The following INTS2 variants were observed in gnomAD, a reference collection of about 807,000 sequenced individuals.
The protein encoded by INTS2 is KIAA1287.
Under a neutral mutation model 139.6 loss-of-function variants are expected in INTS2, and 57 were observed. That is an observed-to-expected ratio of 0.41 (90% CI 0.33 to 0.51). INTS2 has a LOEUF of 0.51. Ranked by LOEUF, INTS2 falls within the 20% of genes least tolerant of loss-of-function variation. The pLI is 0.28. For missense variants in INTS2, 1,196 were observed against 1,436.7 expected (o/e 0.83, Z 2.71); for synonymous variants, 473 against 493.4 (o/e 0.96, Z 0.55).
At chr17:61,902,668 G>A (rs764369375) in intron 9 of INTS2, among the ~76,000 whole-genome samples, 31 of 151,690 alleles carry the variant, frequency 2.0e-4, no homozygotes, top group Non-Finnish European at 3.8e-4. Flanking sequence ...CAGGCCATGA[G>A]TTTCAGACTA....
At chr17:61,914,527 G>C (rs1424636004) in intron 5 of INTS2, among the ~76,000 whole-genome samples, 6 of 152,134 alleles carry the variant, frequency 3.9e-5, no homozygotes, top group Non-Finnish European at 5.9e-5. Context: ...GTGAAACCGT[G>C]TTACTACTAA....
Position 61,904,533 on chromosome 17 carries a change from G to A in INTS2, c.1234C>T (p.Pro412Ser). 6.2e-7 allele frequency: 1 copy of A among 1,612,532 alleles called. No individual in the cohort carries two copies. Among genetic ancestry groups the A allele is most frequent in the East Asian group, 2.2e-5 (1 of 44,856 alleles). The change falls in exon 9 of 25, where the codon CCT becomes TCT. Residue 412 changes from proline to serine, a missense_variant. By Grantham distance (74) the Pro-to-Ser change is moderately conservative. This residue lies in a region of INTS2 where 1,129 missense variants were observed against 1,341.9 expected (regional missense o/e 0.84). Transcript: ENST00000251334. The part of the protein sequence containing the change: ...QLLQLMTSRP[P>S]ATPAGVRFVS... ...AAGCGAACCCCAGCTGGCGTAGCAGGAGGACGGCTCGTCATCAACTGCAGT... is the reference window on the plus strand; with the variant it reads ...AAGCGAACCCCAGCTGGCGTAGCAGAAGGACGGCTCGTCATCAACTGCAGT...
At chr17:61,880,206 G>A (rs567853382) in intron 17 of INTS2, among the ~76,000 whole-genome samples, 1 of 152,130 alleles carries the variant, frequency 6.6e-6, no homozygotes, top group South Asian at 2.1e-4. Context: ...ACCACGCCCG[G>A]CTAATTTTTT....
chr17:61,914,117 C>T (rs949463700), intron 5 of INTS2, among the ~76,000 whole-genome samples: 3 of 150,128 alleles, frequency 2.0e-5, no homozygotes, highest in Non-Finnish European at 4.4e-5. Context: ...AAATGAAGAC[C>T]GAACTATACC....
At chr17:61,912,153 G>A in intron 5 of INTS2, 83 bp from the exon 6 acceptor site, 1 of 1,415,594 alleles carries the variant, frequency 7.1e-7, no homozygotes, top group Non-Finnish European at 9.6e-7. Flanking sequence ...AAGGATCAGG[G>A]TATTTGAAAG....
In INTS2 at chr17:61,882,887, G is replaced by A. The variant is rs1326733404; in HGVS notation, c.2090-1716C>T. Among the ~76,000 whole-genome samples the A allele has an allele frequency of 6.6e-6, 1 of 152,140 alleles. No homozygotes were observed. Among genetic ancestry groups the A allele is most frequent in the Non-Finnish European group, 1.5e-5 (1 of 68,030 alleles). On this transcript the variant is annotated intron_variant, in intron 16 of 24. Transcript: ENST00000251334. This position sits in a 1 kb window ranked among gnomAD's most constrained non-coding sequence, Gnocchi z 4.7. ...CTACGCAGTAGTAGTAGGAATCAAAGTACTTTAGATCTAATTATCCTTTTA... is the reference window on the plus strand; with the variant it reads ...CTACGCAGTAGTAGTAGGAATCAAAATACTTTAGATCTAATTATCCTTTTA...
At position 61,865,382 on chromosome 17, in the gene INTS2, A is replaced by G. The variant is rs1381221072; in HGVS notation, c.*2175T>C. 1 of 152,650 alleles carries G rather than the reference A, an allele frequency of 6.6e-6. No homozygotes were observed. Among genetic ancestry groups the G allele is most frequent in the East Asian group, 1.9e-4 (1 of 5,204 alleles). The allele number at this position is 152,650 out of a possible 1,614,324, so 9.5% of individuals were successfully genotyped here. A position where few individuals can be genotyped will look rare whatever the true frequency, so the allele number is the denominator to read the frequency against. Reference sequence around the variant, plus strand: ...AAACTACAGGTTCGTTTGATAAAGAATATGAATGTTTATAAACCAATATTC... The same window carrying G: ...AAACTACAGGTTCGTTTGATAAAGAGTATGAATGTTTATAAACCAATATTC... On this transcript the variant is annotated 3_prime_UTR_variant, in exon 25 of 25. Transcript: ENST00000251334. The surrounding 1 kb of genome is among the most constrained non-coding windows in gnomAD (Gnocchi z 4.8).
intron 4 of INTS2, chr17:61,921,143 T>C (rs1482461231): frequency 6.6e-6 from 1 of 152,072 alleles, no homozygotes; most frequent in African/African-American, 2.4e-5. Context: ...ATCTGGAAAA[T>C]ACAAAAAGGT....
intron 3 of INTS2, among the ~76,000 whole-genome samples, chr17:61,922,330 G>T (rs572523992): frequency 2.6e-4 from 37 of 143,438 alleles, no homozygotes; most frequent in Admixed American, 1.1e-3. Flanking sequence ...AATTAGCCAA[G>T]CATGGTGGCC....
At chr17:61,899,300 G>C (rs536677557) in intron 9 of INTS2, among the ~76,000 whole-genome samples, 2 of 151,990 alleles carry the variant, frequency 1.3e-5, no homozygotes, top group Non-Finnish European at 2.9e-5. Flanking sequence ...GCCCAGGCTG[G>C]AGTGCAATGA....
intron 5 of INTS2, among the ~76,000 whole-genome samples, chr17:61,916,235 C>T (rs1325266800): frequency 6.6e-6 from 1 of 152,020 alleles, no homozygotes; most frequent in East Asian, 1.9e-4. Context: ...GAGATCGAGA[C>T]CATCCTGGCT....
At chr17:61,902,062 T>C in intron 9 of INTS2, among the ~76,000 whole-genome samples, 1 of 152,214 alleles carries the variant, frequency 6.6e-6, no homozygotes, top group East Asian at 1.9e-4. Flanking sequence ...TGTTGCTTCA[T>C]TGTCTTCTAA....
In INTS2 at chr17:61,868,647, A is replaced by ATAT. The variant is rs1401478247; in HGVS notation, c.3244+384_3244+386dup. Among the ~76,000 whole-genome samples the ATAT allele has an allele frequency of 6.6e-6, 1 of 152,178 alleles. No homozygotes were observed. The highest frequency in any genetic ancestry group is 1.5e-5 in the Non-Finnish European group (1 of 67,990). On this transcript the variant is annotated intron_variant, in intron 23 of 24. Coordinates refer to ENST00000251334, the MANE Select transcript of INTS2 (RefSeq NM_001351695.2). This position sits in a 1 kb window ranked among gnomAD's most constrained non-coding sequence, Gnocchi z 4.7. ...TAATACATTTATCTTTCATTTATAC[A>ATAT]TATGATGATATTTTTCTGGAACTCT...
intron 16 of INTS2, among the ~76,000 whole-genome samples, chr17:61,881,592 G>A (rs747425923): frequency 2.6e-5 from 4 of 152,074 alleles, no homozygotes; most frequent in Admixed American, 1.3e-4. Context: ...CAAAACTCCC[G>A]TTCAAAAATA....
intron 12 of INTS2, among the ~76,000 whole-genome samples, chr17:61,894,494 C>G (rs1210337337): frequency 6.6e-6 from 1 of 152,144 alleles, no homozygotes; most frequent in African/African-American, 2.4e-5. Flanking sequence ...AGTATATGTG[C>G]ATATGCGTGT....
intron 12 of INTS2, 91 bp downstream of exon 12, chr17:61,895,224 T>C (rs761872682): frequency 4.5e-6 from 3 of 667,910 alleles, no homozygotes; most frequent in African/African-American, 1.9e-5. Context: ...AAAAAGACCA[T>C]ATTATTTTCT....
rs1196047996 is a variant in INTS2 at position 61,904,594 on chromosome 17, G to GAAT, written c.1182-12_1182-10dup. 3.1e-6 allele frequency: 5 copies of GAAT among 1,603,862 alleles called. No homozygotes were observed. The highest frequency in any genetic ancestry group is 4.3e-6 in the Non-Finnish European group (5 of 1,175,970). On this transcript the variant is annotated splice_polypyrimidine_tract_variant and intron_variant, in intron 8 of 24. Coordinates refer to ENST00000251334, the MANE Select transcript of INTS2 (RefSeq NM_001351695.2). ...CTTCTTCTTCAGTTGGTCTAAAAAGGAATACATCATTAGGCTTTACATTTT... is the reference window on the plus strand; with the variant it reads ...CTTCTTCTTCAGTTGGTCTAAAAAGGAATAATACATCATTAGGCTTTACATTTT...
intron 9 of INTS2, 95 bp downstream of exon 9, chr17:61,904,365 G>A: frequency 1.1e-6 from 1 of 887,662 alleles, no homozygotes; most frequent in South Asian, 1.8e-5. Context: ...ACCTAGACCA[G>A]CTTTTGTAGA....
rs542726002 is a variant in INTS2 at position 61,894,200 on chromosome 17, G to C, written c.1564-301C>G. 2.3e-5 allele frequency: 4 copies of C among 177,562 alleles called. No individual in the cohort carries two copies. In the East Asian group the frequency reaches 5.8e-4, roughly 26 times the overall value. The allele number at this position is 177,562 out of a possible 1,614,324, so 11.0% of individuals were successfully genotyped here. A position where few individuals can be genotyped will look rare whatever the true frequency, so the allele number is the denominator to read the frequency against. ...ATCTGGGCTCAATGACTTTGAAGAAGTCATTTATCTTCTGAATCTTTTTCA... is the reference window on the plus strand; with the variant it reads ...ATCTGGGCTCAATGACTTTGAAGAACTCATTTATCTTCTGAATCTTTTTCA... On this transcript the variant is annotated intron_variant, in intron 12 of 24. Transcript: ENST00000251334.
Sources: gnomAD v4.1 joint callset for allele counts (sites outside exome capture counted in the v4.1 genomes callset) on GRCh38, gnomAD v4.1.1 for gene constraint, gnomAD v4.1.1 regional missense constraint, Gnocchi (gnomAD v3.1) non-coding constraint, MANE v1.5 for transcripts, NCBI Gene and HGNC (gene_info 2026-07-23, HGNC 2026-07-21) for gene names.